NFASC: variants seen among roughly 807,000 people sequenced by gnomAD.
NFASC encodes the protein neurofascin homolog.
Under a neutral mutation model 147.5 loss-of-function variants are expected in NFASC, and 43 were observed. That is an observed-to-expected ratio of 0.29 (90% CI 0.23 to 0.38). The LOEUF is 0.38. NFASC is among the 10% of genes least tolerant of loss of function. The probability of loss-of-function intolerance (pLI) is 1.00; values close to 1 mark genes in which losing one functional copy is unlikely to be tolerated. For synonymous variants in NFASC, 622 were observed against 665.5 expected (o/e 0.93, Z 1.01); for missense variants, 1,320 against 1,689.0 (o/e 0.78, Z 3.83).
At position 204,848,780 on chromosome 1, in the gene NFASC, C is replaced by T. The variant is rs528498593; in HGVS notation, c.-200+19998C>T. On this transcript the variant is annotated intron_variant, in intron 1 of 29. Coordinates refer to ENST00000339876, the MANE Select transcript of NFASC (RefSeq NM_001005388.3). ...ATAAGGACAGGGGTCATGGAGAGCT[C>T]GTTGCCCTCTTCTCAGGATGTTTCC... Among the ~76,000 whole-genome samples, 5 of 152,334 alleles carry T rather than the reference C, an allele frequency of 3.3e-5. No individual in the cohort carries two copies. The South Asian group carries it at 6.2e-4, about 19-fold the overall frequency.
chr1:204,832,554 G>C (rs527769258), intron 1 of NFASC, among the ~76,000 whole-genome samples: 1 of 152,136 alleles, frequency 6.6e-6, no homozygotes, highest in African/African-American at 2.4e-5. Context: ...ACAGATTCCC[G>C]CAAATATCCA....
rs1218631195 is a variant in NFASC, at chr1:205,019,895, G to T, written c.*3356G>T. ...CTTGAATACCTCTTTCTACAGAGAG[G>T]CACGGGCTCCCCTGAAGGATTGTCG... On this transcript the variant is annotated 3_prime_UTR_variant, in exon 30 of 30. Transcript: ENST00000339876. The T allele has an allele frequency of 2.0e-5, 3 of 152,206 alleles. No individual in the cohort carries two copies. The highest frequency in any genetic ancestry group is 4.4e-5 in the Non-Finnish European group (3 of 68,044). The allele number at this position is 152,206 out of a possible 1,614,324, so 9.4% of individuals were successfully genotyped here. A position where few individuals can be genotyped will look rare whatever the true frequency, so the allele number is the denominator to read the frequency against.
chr1:204,943,809 C>G (rs1419597977), intron 2 of NFASC, among the ~76,000 whole-genome samples: 2 of 152,214 alleles, frequency 1.3e-5, no homozygotes, highest in African/African-American at 2.4e-5. Flanking sequence ...ATGGCATCTT[C>G]TGGTTGCTGG....
At chr1:204,939,052 G>A (rs1477158945) in intron 2 of NFASC, among the ~76,000 whole-genome samples, 19 of 150,794 alleles carry the variant, frequency 1.3e-4, no homozygotes, top group Middle Eastern at 6.8e-3. Flanking sequence ...GTGTGTGTGT[G>A]TGTGTGTGTG....
chr1:204,917,499 G>A (rs564887890), intron 1 of NFASC, among the ~76,000 whole-genome samples: 1 of 152,126 alleles, frequency 6.6e-6, no homozygotes, highest in South Asian at 2.1e-4. Context: ...CCTTTCTTTT[G>A]TTAAACAGTT....
intron 1 of NFASC, among the ~76,000 whole-genome samples, chr1:204,877,792 G>C (rs2079336296): frequency 6.6e-6 from 1 of 152,148 alleles, no homozygotes; most frequent in Admixed American, 6.5e-5. Context: ...ATCTATTCGG[G>C]TCATTATGGT....
intron 1 of NFASC, among the ~76,000 whole-genome samples, chr1:204,871,301 G>T (rs1280027239): frequency 1.3e-5 from 2 of 151,752 alleles, no homozygotes; most frequent in East Asian, 3.8e-4. Flanking sequence ...GGGGAAAGAG[G>T]TGGTGGTACT....
Position 204,910,444 on chromosome 1 carries a change from A to AT in NFASC, c.-199-10179dup, listed in dbSNP as rs1027223847. Among the ~76,000 whole-genome samples the AT allele has an allele frequency of 5.3e-5, 8 of 151,040 alleles. No individual in the cohort carries two copies. The South Asian group carries it at 8.4e-4, about 16-fold the overall frequency. ...TTGGTGTATTCATTTATTAGGTTTA[A>AT]TTTTTTTTTAATTTGAGAAGCAAGA... is the stretch of plus-strand genomic sequence containing the variant. On this transcript the variant is annotated intron_variant, in intron 1 of 29. Transcript: ENST00000339876.
At chr1:204,942,309 T>C (rs955498232) in intron 2 of NFASC, among the ~76,000 whole-genome samples, 9 of 152,090 alleles carry the variant, frequency 5.9e-5, no homozygotes, top group African/African-American at 2.2e-4. Flanking sequence ...AGCTTAATGG[T>C]GCAAAAGTCA....
intron 1 of NFASC, among the ~76,000 whole-genome samples, chr1:204,911,706 TG>T (rs2087553452): frequency 4.6e-5 from 7 of 152,226 alleles, no homozygotes; most frequent in Admixed American, 4.6e-4. Flanking sequence ...ATTGAATTGG[TG>T]TTAATTCTTT....
chr1:205,003,305 AAGT>A (rs2150912212), intron 27 of NFASC, among the ~76,000 whole-genome samples: 1 of 152,292 alleles, frequency 6.6e-6, no homozygotes, highest in African/African-American at 2.4e-5. Flanking sequence ...CTTGGCCTAA[AAGT>A]AGGTGATTTT....
chr1:204,916,028 G>A (rs970207556), intron 1 of NFASC, among the ~76,000 whole-genome samples: 3 of 152,214 alleles, frequency 2.0e-5, no homozygotes, highest in African/African-American at 7.2e-5. Context: ...TTGCTGGGGA[G>A]TGTCTTCCAC....
intron 25 of NFASC, 171 bp downstream of exon 25, chr1:204,997,577 T>C: frequency 1.3e-6 from 1 of 751,402 alleles, no homozygotes; most frequent in Middle Eastern, 2.3e-4. Flanking sequence ...CTCAGTCCCG[T>C]AGCCTGGAGG....
intron 1 of NFASC, among the ~76,000 whole-genome samples, chr1:204,893,978 T>C (rs1387219138): frequency 6.6e-6 from 1 of 152,328 alleles, no homozygotes; most frequent in Middle Eastern, 3.4e-3. Context: ...GTAGTCTGGA[T>C]GTAGGTGCTT....
At chr1:204,988,999 T>C (rs888172937) in intron 23 of NFASC, 193 bp downstream of exon 23, 3 of 610,482 alleles carry the variant, frequency 4.9e-6, no homozygotes, top group African/African-American at 1.8e-5. Flanking sequence ...AGCTCAGCTC[T>C]CCTTGGACCA....
chr1:204,898,824 G>A (rs775597640), intron 1 of NFASC, among the ~76,000 whole-genome samples: 3 of 152,206 alleles, frequency 2.0e-5, no homozygotes, highest in Admixed American at 6.5e-5. Context: ...CTAATTGGCC[G>A]ACCCAGTCAT....
At chr1:204,904,428 G>C (rs577696600) in intron 1 of NFASC, among the ~76,000 whole-genome samples, 1 of 152,346 alleles carries the variant, frequency 6.6e-6, no homozygotes, top group South Asian at 2.1e-4. Flanking sequence ...TGTAAAGTCA[G>C]CATAATAGTG....
rs1446168015 is a variant in NFASC at position 204,979,347 on chromosome 1, T to C, written c.1979-15T>C. Reference sequence around the variant, plus strand: ...CTGAGCTCCCGAAACAGCTCTGTTTTCCTTGCCCACTCAGACTACGTCGTC... The same window carrying C: ...CTGAGCTCCCGAAACAGCTCTGTTTCCCTTGCCCACTCAGACTACGTCGTC... On this transcript the variant is annotated splice_polypyrimidine_tract_variant and intron_variant, in intron 18 of 29. Coordinates refer to ENST00000339876, the MANE Select transcript of NFASC (RefSeq NM_001005388.3). The surrounding 1 kb of genome is among the most constrained non-coding windows in gnomAD (Gnocchi z 6.0). The C allele has an allele frequency of 1.9e-6, 3 of 1,610,130 alleles. No individual in the cohort carries two copies. Among genetic ancestry groups the C allele is most frequent in the Admixed American group, 3.3e-5 (2 of 59,966 alleles).
At chr1:204,863,916 G>A (rs72755892) in intron 1 of NFASC, among the ~76,000 whole-genome samples, 3,560 of 147,394 alleles carry the variant, frequency 0.024, 69 homozygotes, top group South Asian at 0.048. Context: ...AGAAGAAAGG[G>A]AAAGGAAAGG....
Sources: allele counts gnomAD v4.1 joint callset (sites outside exome capture counted in the v4.1 genomes callset), GRCh38; gene constraint gnomAD v4.1.1; non-coding constraint Gnocchi (gnomAD v3.1); transcripts MANE v1.5; gene names NCBI Gene and HGNC (gene_info 2026-07-23, HGNC 2026-07-21).